PRICKLE2: variants seen among roughly 807,000 people sequenced by gnomAD.
The protein encoded by PRICKLE2 is prickle planar cell polarity protein 2.
Under a neutral mutation model 81.4 loss-of-function variants are expected in PRICKLE2, and 21 were observed. That is an observed-to-expected ratio of 0.26 (90% CI 0.18 to 0.37). The LOEUF is 0.37. PRICKLE2 is among the 10% of genes least tolerant of loss of function. The pLI is 1.00. For synonymous variants in PRICKLE2, 456 were observed against 421.5 expected (o/e 1.08, Z -1.00); for missense variants, 940 against 1,109.0 (o/e 0.85, Z 2.16).
chr3:64,111,262 T>C (rs2076842341), intron 7 of PRICKLE2, among the ~76,000 whole-genome samples: 1 of 152,262 alleles, frequency 6.6e-6, no homozygotes, highest in African/African-American at 2.4e-5. Context: ...CTTCTTACTG[T>C]CCTTTACTCC....
chr3:64,265,907 T>C (rs963369434), intron 2 of PRICKLE2, among the ~76,000 whole-genome samples: 2 of 152,178 alleles, frequency 1.3e-5, no homozygotes, highest in Admixed American at 6.5e-5. Flanking sequence ...TCGATAAAAC[T>C]GTCTCAAAAA....
chr3:64,187,667 C>T (rs2107092481), intron 2 of PRICKLE2: 1 of 152,352 alleles, frequency 6.6e-6, no homozygotes, highest in East Asian at 1.9e-4. Flanking sequence ...GCATTCCTTT[C>T]CTATAAGCCA....
chr3:64,176,244 T>C (rs978154897), intron 2 of PRICKLE2, among the ~76,000 whole-genome samples: 9 of 152,180 alleles, frequency 5.9e-5, no homozygotes, highest in African/African-American at 1.4e-4. Flanking sequence ...GTTCCGTTAT[T>C]AGGAAAGGAG....
chr3:64,201,817 C>A (rs143451932), intron 1 of PRICKLE2, among the ~76,000 whole-genome samples: 1 of 152,034 alleles, frequency 6.6e-6, no homozygotes, highest in African/African-American at 2.4e-5. Context: ...TTGCATAACT[C>A]ACGGTCATAA....
At chr3:64,208,204 G>A (rs1339444479) in intron 1 of PRICKLE2, among the ~76,000 whole-genome samples, 1 of 152,202 alleles carries the variant, frequency 6.6e-6, no homozygotes, top group Non-Finnish European at 1.5e-5. Context: ...TAGCAAGAAA[G>A]GCATTCCCCG....
At chr3:64,177,105 A>G (rs2078037851) in intron 2 of PRICKLE2, among the ~76,000 whole-genome samples, 1 of 144,534 alleles carries the variant, frequency 6.9e-6, no homozygotes, top group South Asian at 2.2e-4. Flanking sequence ...TATACACATT[A>G]CAAGATTTGC....
intron 1 of PRICKLE2, among the ~76,000 whole-genome samples, chr3:64,221,011 G>A (rs2078943718): frequency 6.6e-6 from 1 of 152,252 alleles, no homozygotes; most frequent in Non-Finnish European, 1.5e-5. Flanking sequence ...GATTTAAAAT[G>A]GCTTCGCTGT....
At chr3:64,261,421 C>T (rs2079613599) in intron 2 of PRICKLE2, among the ~76,000 whole-genome samples, 1 of 152,032 alleles carries the variant, frequency 6.6e-6, no homozygotes, top group Admixed American at 6.6e-5. Context: ...TGATGCAATC[C>T]TTGCCTTTAA....
At chr3:64,135,771 G>C (rs2077269648) in intron 7 of PRICKLE2, among the ~76,000 whole-genome samples, 1 of 152,146 alleles carries the variant, frequency 6.6e-6, no homozygotes, top group Non-Finnish European at 1.5e-5. Context: ...GGTGCTCAAG[G>C]TGATGCTGGT....
chr3:64,184,677 G>A (rs1256287828), intron 2 of PRICKLE2, among the ~76,000 whole-genome samples: 1 of 151,976 alleles, frequency 6.6e-6, no homozygotes, highest in Non-Finnish European at 1.5e-5. Context: ...TCGCTATGCT[G>A]CCCAGGCTGG....
chr3:64,263,463 C>A (rs116570732), intron 2 of PRICKLE2, among the ~76,000 whole-genome samples: 1,615 of 152,254 alleles, frequency 0.011, 30 homozygotes, highest in African/African-American at 0.037. Context: ...AGGCAAGAAG[C>A]TTAAATGAGG....
Position 64,195,976 on chromosome 3 carries a change from T to C in PRICKLE2, c.144+2808A>G, listed in dbSNP as rs530821230. 5.3e-5 allele frequency among the ~76,000 whole-genome samples: 8 copies of C among 152,304 alleles called. No individual in the cohort carries two copies. In the South Asian group the frequency reaches 1.5e-3, roughly 28 times the overall value. On this transcript the variant is annotated intron_variant, in intron 2 of 7. Transcript: ENST00000638394. ...ATTAGAGATAGGACTACCCTTTCAT[T>C]TGACATAATTCAAACCACTTGTTCA...
At position 64,108,441 on chromosome 3, in the gene PRICKLE2, C is replaced by A. The variant is rs2076789515; in HGVS notation, c.1661-8516G>T. Among the ~76,000 whole-genome samples the A allele has an allele frequency of 3.3e-5, 5 of 152,152 alleles. No homozygotes were observed. In the South Asian group the frequency reaches 1.0e-3, roughly 32 times the overall value. On this transcript the variant is annotated intron_variant, in intron 7 of 7. Transcript: ENST00000638394. Reference sequence around the variant, plus strand: ...GCAACAGCTGGAGAGATACTGTCATCTGGGCAGTGGAGCTTAAACGCCACC... The same window carrying A: ...GCAACAGCTGGAGAGATACTGTCATATGGGCAGTGGAGCTTAAACGCCACC...
At chr3:64,135,817 C>T (rs1390439179) in intron 7 of PRICKLE2, among the ~76,000 whole-genome samples, 2 of 152,110 alleles carry the variant, frequency 1.3e-5, no homozygotes, top group Non-Finnish European at 2.9e-5. Flanking sequence ...TTGGTGGAAA[C>T]TATTCTAGGT....
At chr3:64,203,766 C>T (rs192917692) in intron 1 of PRICKLE2, among the ~76,000 whole-genome samples, 7 of 150,294 alleles carry the variant, frequency 4.7e-5, no homozygotes, top group Middle Eastern at 3.5e-3. Context: ...GCCAGGAGTT[C>T]GAGACCAGCC....
At chr3:64,204,193 T>C (rs1461727324) in intron 1 of PRICKLE2, among the ~76,000 whole-genome samples, 1 of 151,996 alleles carries the variant, frequency 6.6e-6, no homozygotes, top group East Asian at 1.9e-4. Flanking sequence ...CAAAGTATGT[T>C]AAAGGCAGCA....
chr3:64,158,185 T>C (rs1364021760), intron 4 of PRICKLE2, among the ~76,000 whole-genome samples: 2 of 152,162 alleles, frequency 1.3e-5, no homozygotes, highest in Non-Finnish European at 2.9e-5. Context: ...GGTTCACAGG[T>C]TGAGTATAGT....
In PRICKLE2 at chr3:64,111,617, A is replaced by C. The variant is rs574166774; in HGVS notation, c.1661-11692T>G. Among the ~76,000 whole-genome samples, 41 of 152,352 alleles carry C rather than the reference A, an allele frequency of 2.7e-4. 1 individual carries two copies. The South Asian group carries it at 8.5e-3, about 32-fold the overall frequency. On this transcript the variant is annotated intron_variant, in intron 7 of 7. Coordinates refer to ENST00000638394, the MANE Select transcript of PRICKLE2 (RefSeq NM_198859.4). The stretch of plus-strand genomic sequence containing the variant: ...TTTCTATTGTATAAATATGAATTAC[A>C]TGCAACAACATGGATGAATCTCATA...
chr3:64,122,409 G>A (rs899658744), intron 7 of PRICKLE2, among the ~76,000 whole-genome samples: 1 of 152,178 alleles, frequency 6.6e-6, no homozygotes, highest in African/African-American at 2.4e-5. Flanking sequence ...TCACCTGCAA[G>A]TTCCCCAGTC....
Sources: allele counts gnomAD v4.1 joint callset (sites outside exome capture counted in the v4.1 genomes callset), GRCh38; gene constraint gnomAD v4.1.1; transcripts MANE v1.5; gene names NCBI Gene and HGNC (gene_info 2026-07-23, HGNC 2026-07-21).